The following OPCML variants were observed in gnomAD, a reference collection of about 807,000 sequenced individuals.
The protein encoded by OPCML is opioid binding protein/cell adhesion molecule like.
A neutral mutation model predicts 37.8 loss-of-function variants in OPCML; 13 were observed. The observed-to-expected ratio is 0.34, with a 90% CI of 0.22 to 0.55. OPCML has a LOEUF of 0.55. Ranked by LOEUF, OPCML falls within the 20% of genes least tolerant of loss-of-function variation. The probability of loss-of-function intolerance (pLI) is 0.91; values close to 1 mark genes in which losing one functional copy is unlikely to be tolerated. For synonymous variants in OPCML, 176 were observed against 168.8 expected (o/e 1.04, Z -0.33); for missense variants, 341 against 435.6 (o/e 0.78, Z 1.93).
chr11:133,229,068 G>A (rs778464795), intron 1 of OPCML, among the ~76,000 whole-genome samples: 1 of 152,132 alleles, frequency 6.6e-6, no homozygotes, highest in Non-Finnish European at 1.5e-5. Context: ...CTTGGAGCAG[G>A]CCCAGCACAG....
rs1009108397 is a variant in OPCML, at chr11:133,208,104, T to C, written c.62-265094A>G. ...TATTTTTTTCTCTCTTCAGAGCATC[T>C]ACCATGATTTATTGTAATAGCTTAT... On this transcript the variant is annotated intron_variant, in intron 1 of 7. Transcript: ENST00000524381. This position sits in a 1 kb window ranked among gnomAD's most constrained non-coding sequence, Gnocchi z 8.9. Among the ~76,000 whole-genome samples the C allele has an allele frequency of 2.0e-5, 3 of 152,206 alleles. No individual in the cohort carries two copies. Among genetic ancestry groups the C allele is most frequent in the East Asian group, 1.9e-4 (1 of 5,194 alleles).
intron 2 of OPCML, among the ~76,000 whole-genome samples, chr11:132,823,240 C>T (rs557069846): frequency 6.6e-6 from 1 of 152,294 alleles, no homozygotes; most frequent in East Asian, 1.9e-4. Flanking sequence ...CACACCTCCA[C>T]ACGTCTTGCC....
intron 2 of OPCML, among the ~76,000 whole-genome samples, chr11:132,761,989 T>A (rs2136100095): frequency 6.6e-6 from 1 of 152,322 alleles, no homozygotes; most frequent in South Asian, 2.1e-4. Context: ...TTGGATGGGT[T>A]TTTGCGTGGG....
chr11:132,883,396 G>A (rs1450385126), intron 2 of OPCML, among the ~76,000 whole-genome samples: 1 of 152,194 alleles, frequency 6.6e-6, no homozygotes, highest in Non-Finnish European at 1.5e-5. Flanking sequence ...GAGAGCACAG[G>A]ATTAATTAGT....
At chr11:132,586,873 A>G (rs930005747) in intron 3 of OPCML, among the ~76,000 whole-genome samples, 1 of 152,196 alleles carries the variant, frequency 6.6e-6, no homozygotes, top group Non-Finnish European at 1.5e-5. Context: ...AAAAATAAAG[A>G]ACAAATTATT....
At chr11:133,083,916 G>T (rs1443348430) in intron 1 of OPCML, among the ~76,000 whole-genome samples, 1 of 152,168 alleles carries the variant, frequency 6.6e-6, no homozygotes, top group Non-Finnish European at 1.5e-5. Flanking sequence ...AAATTCATTT[G>T]GCAATTAATC....
At position 133,173,452 on chromosome 11, in the gene OPCML, A is replaced by T. The variant is rs1950315128; in HGVS notation, c.62-230442T>A. 6.6e-6 allele frequency among the ~76,000 whole-genome samples: 1 copy of T among 152,192 alleles called. No homozygotes were observed. Among genetic ancestry groups the T allele is most frequent in the African/African-American group, 2.4e-5 (1 of 41,450 alleles). On this transcript the variant is annotated intron_variant, in intron 1 of 7. Transcript: ENST00000524381. The surrounding 1 kb of genome is among the most constrained non-coding windows in gnomAD (Gnocchi z 7.8). ...ATAAATCGAGTGAACAAATAAATAA[A>T]TGAGCAACCACTAGCCACAGATGGA...
chr11:132,539,309 G>A (rs2096349448), intron 3 of OPCML, among the ~76,000 whole-genome samples: 1 of 152,142 alleles, frequency 6.6e-6, no homozygotes, highest in Non-Finnish European at 1.5e-5. Context: ...CTGGGCAGAT[G>A]GATCAGCCTG....
At chr11:132,736,147 C>T (rs1187757261) in intron 2 of OPCML, among the ~76,000 whole-genome samples, 2 of 152,170 alleles carry the variant, frequency 1.3e-5, no homozygotes, top group Non-Finnish European at 2.9e-5. Context: ...TATGCTATGC[C>T]TGTCCTTCTA....
chr11:132,997,558 C>T (rs763212819), intron 1 of OPCML, among the ~76,000 whole-genome samples: 26 of 151,886 alleles, frequency 1.7e-4, no homozygotes, highest in Admixed American at 7.2e-4. Flanking sequence ...ATGCCATCCA[C>T]GCCGCAATGC....
At chr11:132,653,860 T>C (rs1941562352) in intron 3 of OPCML, among the ~76,000 whole-genome samples, 1 of 152,198 alleles carries the variant, frequency 6.6e-6, no homozygotes, top group Non-Finnish European at 1.5e-5. Flanking sequence ...ACACCTTTTG[T>C]TTTTATAAAC....
chr11:133,011,472 C>T (rs1565396589), intron 1 of OPCML, among the ~76,000 whole-genome samples: 1 of 152,104 alleles, frequency 6.6e-6, no homozygotes, highest in Non-Finnish European at 1.5e-5. Flanking sequence ...TTTTAGGTTC[C>T]CGAGATTCCA....
intron 3 of OPCML, among the ~76,000 whole-genome samples, chr11:132,645,296 A>G (rs148979584): frequency 6.6e-6 from 1 of 152,328 alleles, no homozygotes; most frequent in East Asian, 1.9e-4. Flanking sequence ...TCCATGCTGG[A>G]CGTGGCTTTT....
chr11:132,437,339 C>T lies in OPCML; in HGVS notation c.526G>A (p.Glu176Lys), dbSNP rs1259323250. The T allele has an allele frequency of 6.2e-7, 1 of 1,614,096 alleles. No homozygotes were observed. Among genetic ancestry groups the T allele is most frequent in the Admixed American group, 1.7e-5 (1 of 60,006 alleles). The change falls in exon 5 of 8, where the codon GAG becomes AAG. Residue 176 changes from glutamate (E) to lysine (K), a missense_variant. Glu to Lys is a moderately conservative substitution (Grantham distance 56). Transcript: ENST00000524381. ...SVKEGQGFVS[E>K]DEYLEISDIK... ...TCAGAGATCTCCAGGTACTCATCCTCACTTACAAAGCCCTGGCCTTCTGGG... is the reference window on the plus strand; with the variant it reads ...TCAGAGATCTCCAGGTACTCATCCTTACTTACAAAGCCCTGGCCTTCTGGG...
chr11:132,900,168 G>A (rs930503212), intron 2 of OPCML, among the ~76,000 whole-genome samples: 1 of 152,092 alleles, frequency 6.6e-6, no homozygotes, highest in Non-Finnish European at 1.5e-5. Context: ...AAGTAGCCAT[G>A]CCCACAGCAA....
intron 1 of OPCML, among the ~76,000 whole-genome samples, chr11:133,314,124 A>G (rs1426087282): frequency 6.7e-6 from 1 of 148,202 alleles, no homozygotes; most frequent in African/African-American, 2.5e-5. Context: ...AGTCCCAGCT[A>G]CTTGGGAGGC....
intron 1 of OPCML, among the ~76,000 whole-genome samples, chr11:133,410,674 G>T (rs75919376): frequency 2.1e-3 from 70 of 33,964 alleles, no homozygotes; most frequent in Non-Finnish European, 2.7e-3. Flanking sequence ...AAAAAAAAAA[G>T]ACCTCTCTTT....
At chr11:133,329,139 C>T in intron 1 of OPCML, among the ~76,000 whole-genome samples, 1 of 152,010 alleles carries the variant, frequency 6.6e-6, no homozygotes, top group East Asian at 1.9e-4. Flanking sequence ...ATGTGAAGGA[C>T]CTCTTCAAGG....
chr11:133,245,457 T>C (rs1416842223), intron 1 of OPCML, among the ~76,000 whole-genome samples: 1 of 152,148 alleles, frequency 6.6e-6, no homozygotes, highest in Admixed American at 6.5e-5. Context: ...AGAGAAGCCA[T>C]CTGGGAACTG....
Sources: allele counts gnomAD v4.1 joint callset (sites outside exome capture counted in the v4.1 genomes callset), GRCh38; gene constraint gnomAD v4.1.1; non-coding constraint Gnocchi (gnomAD v3.1); transcripts MANE v1.5; gene names NCBI Gene and HGNC (gene_info 2026-07-23, HGNC 2026-07-21).